Variants in PCDH11Y observed in about 807,000 individuals in gnomAD.
PCDH11Y encodes protocadherin-11 Y-linked.
For synonymous variants in PCDH11Y, 9 were observed against 83.6 expected (o/e 0.11, Z 4.87); for missense variants, 12 against 224.8 (o/e 0.05, Z 6.05).
intron 2 of PCDH11Y, among the ~76,000 whole-genome samples, chrY:5,355,677 C>T: frequency 6.1e-5 from 2 of 32,706 alleles, no homozygotes. Flanking sequence ...TAACAGGATG[C>T]CCTCATAATA....
intron 2 of PCDH11Y, among the ~76,000 whole-genome samples, chrY:5,466,303 T>G: frequency 3.1e-5 from 1 of 31,789 alleles, no homozygotes; most frequent in Non-Finnish European, 7.8e-5. Flanking sequence ...CCATAGAATT[T>G]TAGAGAGAAA....
chrY:5,569,197 G>A, intron 3 of PCDH11Y, among the ~76,000 whole-genome samples: 1 of 4,794 alleles, frequency 2.1e-4, no homozygotes, highest in Admixed American at 2.3e-3. Flanking sequence ...TCAACCTATG[G>A]GGATAATTTG....
At chrY:5,128,666 T>A (rs2052828801) in intron 2 of PCDH11Y, among the ~76,000 whole-genome samples, 13 of 33,304 alleles carry the variant, frequency 3.9e-4, no homozygotes, top group African/African-American at 5.8e-4. Context: ...CAAACAAGGA[T>A]GATAATCACT....
intron 3 of PCDH11Y, among the ~76,000 whole-genome samples, chrY:5,565,550 C>A: frequency 3.2e-5 from 1 of 31,594 alleles, no homozygotes; most frequent in Non-Finnish European, 7.7e-5. Context: ...TATGGATAGA[C>A]AAATTATGTA....
intron 2 of PCDH11Y, among the ~76,000 whole-genome samples, chrY:5,384,484 G>C: frequency 6.6e-5 from 2 of 30,362 alleles, no homozygotes; most frequent in African/African-American, 2.6e-4. Context: ...AAAGGGTTAT[G>C]ATACTCAGGA....
At chrY:5,586,676 G>A (rs1602946993) in intron 4 of PCDH11Y, among the ~76,000 whole-genome samples, 1 of 31,328 alleles carries the variant, frequency 3.2e-5, no homozygotes, top group African/African-American at 1.2e-4. Context: ...TAGGCTATAT[G>A]TGTCTAGGAT....
At chrY:5,542,116 G>A in intron 3 of PCDH11Y, among the ~76,000 whole-genome samples, 1 of 32,301 alleles carries the variant, frequency 3.1e-5, no homozygotes, top group Admixed American at 2.9e-4. Context: ...ATGCCTTAAT[G>A]TGACCAAATC....
At chrY:5,236,779 G>A in intron 2 of PCDH11Y, among the ~76,000 whole-genome samples, 2 of 29,633 alleles carry the variant, frequency 6.7e-5, no homozygotes, top group African/African-American at 1.3e-4. Flanking sequence ...TTGATGTGCT[G>A]CTGAGGGGCT....
In PCDH11Y at chrY:5,407,825, G is replaced by A. The variant is rs2124677834; in HGVS notation, c.3130-93232G>A. On this transcript the variant is annotated intron_variant, in intron 2 of 4. Transcript: ENST00000400457. ...AGCTACTCGGGAGGCTGAGGCAGGA[G>A]AATGGAGTGAACCAGCGGGCGGAGC... Among the ~76,000 whole-genome samples, 6 of 26,983 alleles carry A rather than the reference G, an allele frequency of 2.2e-4. No individual in the cohort carries two copies. The Admixed American group carries it at 2.4e-3, about 11-fold the overall frequency. The allele number at this position is 26,983 out of a possible 37,273, so 72.4% of individuals were successfully genotyped here. A position where few individuals can be genotyped will look rare whatever the true frequency, so the allele number is the denominator to read the frequency against.
intron 1 of PCDH11Y, among the ~76,000 whole-genome samples, chrY:5,022,492 C>T: frequency 7.0e-5 from 2 of 28,732 alleles, no homozygotes. Flanking sequence ...TGGTGGCATG[C>T]GGCTGTAGAC....
At chrY:5,724,421 CT>C (rs2053597247) in intron 4 of PCDH11Y, among the ~76,000 whole-genome samples, 32 of 33,690 alleles carry the variant, frequency 9.5e-4, no homozygotes, top group Middle Eastern at 0.014. Context: ...ATACTCAATG[CT>C]TTTCCCATAA....
intron 2 of PCDH11Y, among the ~76,000 whole-genome samples, chrY:5,240,959 C>T: frequency 7.6e-5 from 2 of 26,231 alleles, no homozygotes; most frequent in African/African-American, 3.2e-4. Context: ...CATCTTCTTC[C>T]TATATAAGGC....
At chrY:5,687,635 A>G in intron 4 of PCDH11Y, among the ~76,000 whole-genome samples, 1 of 31,050 alleles carries the variant, frequency 3.2e-5, no homozygotes, top group Non-Finnish European at 7.8e-5. Context: ...CATAGTAGTC[A>G]TAGTTTTTAT....
intron 2 of PCDH11Y, among the ~76,000 whole-genome samples, chrY:5,491,204 A>G: frequency 3.0e-5 from 1 of 32,795 alleles, no homozygotes; most frequent in Non-Finnish European, 7.6e-5. Context: ...GAAGGCCTGA[A>G]GCCTGGGGGC....
chrY:5,263,365 C>G, intron 2 of PCDH11Y, among the ~76,000 whole-genome samples: 2 of 29,868 alleles, frequency 6.7e-5, no homozygotes, highest in African/African-American at 2.7e-4. Context: ...GTGAATGAGT[C>G]TCAGGAGATC....
chrY:5,407,504 A>AT (rs2124677662), intron 2 of PCDH11Y, among the ~76,000 whole-genome samples: 1 of 33,567 alleles, frequency 3.0e-5, no homozygotes, highest in East Asian at 7.8e-4. Context: ...CTGGCATCCA[A>AT]TGCAGTTTTT....
intron 4 of PCDH11Y, among the ~76,000 whole-genome samples, chrY:5,627,723 CT>C (rs2053508819): frequency 3.1e-5 from 1 of 32,620 alleles, no homozygotes; most frequent in Non-Finnish European, 7.5e-5. Context: ...CATTTCAGCC[CT>C]TTCAAAGTTT....
intron 2 of PCDH11Y, among the ~76,000 whole-genome samples, chrY:5,247,189 G>T: frequency 3.0e-5 from 1 of 32,801 alleles, no homozygotes; most frequent in African/African-American, 1.2e-4. Context: ...CAATGAGACA[G>T]AAAATTAACA....
chrY:5,578,806 A>T, intron 3 of PCDH11Y, among the ~76,000 whole-genome samples: 1 of 33,398 alleles, frequency 3.0e-5, no homozygotes, highest in African/African-American at 1.2e-4. Flanking sequence ...ATTTCAATTG[A>T]CTCTAGTAGT....
Sources: allele counts gnomAD v4.1 joint callset (sites outside exome capture counted in the v4.1 genomes callset), GRCh38; gene constraint gnomAD v4.1.1; transcripts MANE v1.5; gene names NCBI Gene and HGNC (gene_info 2026-07-23, HGNC 2026-07-21).